The following ZCCHC14 variants were observed in gnomAD, a reference collection of about 807,000 sequenced individuals.
The protein encoded by ZCCHC14 is zinc finger CCHC-type containing 14.
In ZCCHC14, 16 loss-of-function variants were observed where a neutral mutation model predicts 85.0. That is an observed-to-expected ratio of 0.19 (90% CI 0.13 to 0.29). The LOEUF (loss-of-function observed/expected upper bound fraction) is 0.29. Among genes scored for constraint, ZCCHC14 ranks in the 10% least tolerant of loss-of-function variants. The pLI is 1.00. For missense variants in ZCCHC14, 1,303 were observed against 1,443.5 expected, an observed-to-expected ratio of 0.90 and a Z score of 1.58; for synonymous variants, 775 against 630.7, an observed-to-expected ratio of 1.23 and a Z score of -3.43.
At chr16:87,474,265 C>T (rs1263538892) in intron 1 of ZCCHC14, 2 of 152,338 alleles carry the variant, frequency 1.3e-5, no homozygotes, top group Non-Finnish European at 2.9e-5. Context: ...ACAACCATTC[C>T]ACTGACATCC....
At chr16:87,488,032 G>A (rs116580704) in intron 1 of ZCCHC14, among the ~76,000 whole-genome samples, 55 of 152,260 alleles carry the variant, frequency 3.6e-4, no homozygotes, top group African/African-American at 1.3e-3. Flanking sequence ...AGATGGAAAC[G>A]TTCAGTGGCA....
At position 87,411,523 on chromosome 16, in the gene ZCCHC14, G is replaced by C; in HGVS notation, c.3198C>G (p.Asn1066Lys). The C allele has an allele frequency of 1.2e-6, 2 of 1,613,480 alleles. No homozygotes were observed. Among genetic ancestry groups the C allele is most frequent in the Non-Finnish European group, 1.7e-6 (2 of 1,180,008 alleles). Reference sequence around the variant, plus strand: ...GCCATGGCGCGCGCTTACCTGGCCGGTTGAAGTCCATGGACGGCTGTTTGC... The same window carrying C: ...GCCATGGCGCGCGCTTACCTGGCCGCTTGAAGTCCATGGACGGCTGTTTGC... The part of the protein sequence containing the change: ...QDCKQPSMDF[N>K]RPGTFRLKYA... The change falls in exon 12 of 13, where the codon AAC (asparagine) becomes AAG (lysine). Residue 1066 changes from asparagine to lysine, a missense_variant. Coordinates refer to ENST00000671377, the MANE Select transcript of ZCCHC14 (RefSeq NM_015144.3).
At chr16:87,458,994 C>A (rs920739419) in intron 2 of ZCCHC14, among the ~76,000 whole-genome samples, 2 of 152,158 alleles carry the variant, frequency 1.3e-5, no homozygotes, top group Non-Finnish European at 2.9e-5. Context: ...GTCCTACAAA[C>A]CACCTTACTC....
chr16:87,445,224 G>A (rs1031604310), intron 2 of ZCCHC14, among the ~76,000 whole-genome samples: 1 of 151,878 alleles, frequency 6.6e-6, no homozygotes, highest in Non-Finnish European at 1.5e-5. Context: ...GCTCTACCAC[G>A]CCCAGCTAAT....
chr16:87,433,015 G>A, intron 3 of ZCCHC14, 113 bp downstream of exon 3: 8 of 1,121,136 alleles, frequency 7.1e-6, no homozygotes, highest in Non-Finnish European at 1.0e-5. Context: ...ATACAGCACT[G>A]GCACGGGGCT....
chr16:87,459,489 C>T (rs1911147500), intron 2 of ZCCHC14, among the ~76,000 whole-genome samples: 1 of 150,766 alleles, frequency 6.6e-6, no homozygotes, highest in Admixed American at 6.6e-5. Context: ...GGATTACAAG[C>T]GTGCACCACC....
chr16:87,433,101 A>G, intron 3 of ZCCHC14, 27 bp downstream of exon 3: 1 of 1,609,724 alleles, frequency 6.2e-7, no homozygotes, highest in South Asian at 1.1e-5. Context: ...CTTCCAGGAG[A>G]GAGGGGAAAA....
intron 1 of ZCCHC14, among the ~76,000 whole-genome samples, chr16:87,482,007 C>CCGG (rs1374054285): frequency 6.6e-6 from 1 of 152,166 alleles, no homozygotes; most frequent in Non-Finnish European, 1.5e-5. Flanking sequence ...GAGCCCCACA[C>CCGG]CGGCCTTCAC....
intron 2 of ZCCHC14, among the ~76,000 whole-genome samples, chr16:87,454,029 A>T (rs1369890909): frequency 6.6e-6 from 1 of 152,254 alleles, no homozygotes; most frequent in East Asian, 1.9e-4. Context: ...GAAAACGTCC[A>T]TTAGCTTGGT....
At chr16:87,443,093 T>C (rs982380152) in intron 2 of ZCCHC14, among the ~76,000 whole-genome samples, 1 of 152,250 alleles carries the variant, frequency 6.6e-6, no homozygotes, top group Non-Finnish European at 1.5e-5. Context: ...AGCAGTCTAT[T>C]CCGCTTTTGA....
chr16:87,479,480 T>C (rs1193790838), intron 1 of ZCCHC14, among the ~76,000 whole-genome samples: 1 of 151,998 alleles, frequency 6.6e-6, no homozygotes, highest in African/African-American at 2.4e-5. Context: ...GATGCTTTTA[T>C]GCAAATGTCC....
intron 2 of ZCCHC14, among the ~76,000 whole-genome samples, chr16:87,451,717 G>T (rs1910714862): frequency 6.6e-6 from 1 of 152,222 alleles, no homozygotes; most frequent in African/African-American, 2.4e-5. Flanking sequence ...CTACAGTCAG[G>T]GCCCAGGAGC....
At chr16:87,487,730 A>C (rs1463959121) in intron 1 of ZCCHC14, among the ~76,000 whole-genome samples, 1 of 152,178 alleles carries the variant, frequency 6.6e-6, no homozygotes, top group East Asian at 1.9e-4. Context: ...ATGTGAAGCA[A>C]CTCCAAGGTC....
At chr16:87,476,137 C>T (rs565637235) in intron 1 of ZCCHC14, among the ~76,000 whole-genome samples, 1 of 152,258 alleles carries the variant, frequency 6.6e-6, no homozygotes, top group East Asian at 1.9e-4. Context: ...ACTTCAATAG[C>T]ACGGGTGAAA....
chr16:87,486,958 C>T (rs1912538242), intron 1 of ZCCHC14, among the ~76,000 whole-genome samples: 1 of 152,184 alleles, frequency 6.6e-6, no homozygotes, highest in Non-Finnish European at 1.5e-5. Context: ...TGCAATAGGC[C>T]CAGAGTTTAG....
intron 1 of ZCCHC14, among the ~76,000 whole-genome samples, chr16:87,476,867 C>T: frequency 6.6e-6 from 1 of 151,986 alleles, no homozygotes; most frequent in Admixed American, 6.6e-5. Context: ...TGGCTCGTGC[C>T]TGTAATCCCA....
At chr16:87,477,131 A>C (rs966072480) in intron 1 of ZCCHC14, among the ~76,000 whole-genome samples, 6 of 144,258 alleles carry the variant, frequency 4.2e-5, no homozygotes, top group Middle Eastern at 3.4e-3. Flanking sequence ...AAAAAAAAAA[A>C]AAAAAAAAAA....
At chr16:87,436,798 G>C (rs1909945461) in intron 2 of ZCCHC14, among the ~76,000 whole-genome samples, 1 of 152,162 alleles carries the variant, frequency 6.6e-6, no homozygotes, top group Admixed American at 6.5e-5. Context: ...TGACAGTTTT[G>C]TTTAAAATGG....
intron 10 of ZCCHC14, among the ~76,000 whole-genome samples, chr16:87,413,866 C>G (rs1036808470): frequency 6.6e-6 from 1 of 152,172 alleles, no homozygotes; most frequent in African/African-American, 2.4e-5. Flanking sequence ...CTCACCCCCA[C>G]GCGCTCGCTC....
Sources: gnomAD v4.1 joint callset for allele counts (sites outside exome capture counted in the v4.1 genomes callset) on GRCh38, gnomAD v4.1.1 for gene constraint, MANE v1.5 for transcripts, NCBI Gene and HGNC (gene_info 2026-07-23, HGNC 2026-07-21) for gene names.